Variants in ALCAM observed in about 807,000 individuals in gnomAD.
The protein encoded by ALCAM is CD166 antigen.
ALCAM carries 30 observed loss-of-function variants against 70.9 expected under a neutral mutation model. The observed-to-expected ratio is 0.42, with a 90% CI of 0.32 to 0.57. The LOEUF (loss-of-function observed/expected upper bound fraction) is 0.57. Ranked by LOEUF, ALCAM falls within the 20% of genes least tolerant of loss-of-function variation. ALCAM has a pLI of 0.11. For synonymous variants in ALCAM, 249 were observed against 242.5 expected, an observed-to-expected ratio of 1.03 and a Z score of -0.25; for missense variants, 591 against 695.1, an observed-to-expected ratio of 0.85 and a Z score of 1.68.
At chr3:105,379,537 T>G (rs891415851) in intron 1 of ALCAM, among the ~76,000 whole-genome samples, 1 of 151,844 alleles carries the variant, frequency 6.6e-6, no homozygotes, top group African/African-American at 2.4e-5. Flanking sequence ...CACTATATTA[T>G]TCTCAGAAAT....
intron 3 of ALCAM, among the ~76,000 whole-genome samples, chr3:105,531,644 A>G (rs1939841978): frequency 6.6e-6 from 1 of 152,086 alleles, no homozygotes; most frequent in Non-Finnish European, 1.5e-5. Flanking sequence ...ATGAGCTGGA[A>G]GTTACTGATA....
chr3:105,368,229 G>GAGAGAGAGAGAA (rs1253002453), intron 1 of ALCAM, among the ~76,000 whole-genome samples: 2 of 139,876 alleles, frequency 1.4e-5, no homozygotes, highest in African/African-American at 5.6e-5. Context: ...TTGGAAGAGA[G>GAGAGAGAGAGAA]AGAGAGAGAG....
intron 9 of ALCAM, among the ~76,000 whole-genome samples, chr3:105,546,711 G>A (rs1029540648): frequency 2.0e-5 from 3 of 151,436 alleles, no homozygotes; most frequent in Non-Finnish European, 4.4e-5. Context: ...GTGATGATCA[G>A]TATTCCCTGA....
intron 8 of ALCAM, among the ~76,000 whole-genome samples, chr3:105,543,036 G>A (rs955186922): frequency 5.3e-5 from 8 of 151,814 alleles, no homozygotes; most frequent in Admixed American, 5.3e-4. Context: ...ATGTGGAATA[G>A]CTAGCTCTCT....
At chr3:105,526,197 A>G (rs183516265) in intron 3 of ALCAM, among the ~76,000 whole-genome samples, 1 of 152,230 alleles carries the variant, frequency 6.6e-6, no homozygotes, top group East Asian at 1.9e-4. Flanking sequence ...AAATTTTCCT[A>G]CACTGAGATG....
chr3:105,367,242 G>C lies in ALCAM; in HGVS notation c.-167G>C. On this transcript the variant is annotated 5_prime_UTR_variant, in exon 1 of 16. Transcript: ENST00000306107. ...CATTGCGTGGTGGAAAGTTGCGTGC[G>C]GCAGAGAACCGAAGGTGCAGCGCCA... is the stretch of plus-strand genomic sequence containing the variant. The C allele has an allele frequency of 4.8e-6, 3 of 627,690 alleles. No homozygotes were observed. Among genetic ancestry groups the C allele is most frequent in the Non-Finnish European group, 8.4e-6 (3 of 357,330 alleles). The allele number at this position is 627,690 out of a possible 1,614,324, so 38.9% of individuals were successfully genotyped here.
At chr3:105,440,116 C>T (rs1375974109) in intron 1 of ALCAM, among the ~76,000 whole-genome samples, 3 of 152,098 alleles carry the variant, frequency 2.0e-5, no homozygotes, top group Non-Finnish European at 4.4e-5. Flanking sequence ...TGAAAATTAA[C>T]GTGATCAGGC....
intron 1 of ALCAM, chr3:105,439,195 A>G (rs1264048426): frequency 6.6e-6 from 1 of 152,194 alleles, no homozygotes; most frequent in Non-Finnish European, 1.5e-5. Flanking sequence ...TCAGGATCCA[A>G]AGAACTTTAG....
At position 105,517,885 on chromosome 3, in the gene ALCAM, C is replaced by T. The variant is rs544380054; in HGVS notation, c.74-2182C>T. 9.2e-5 allele frequency among the ~76,000 whole-genome samples: 14 copies of T among 152,172 alleles called. No individual in the cohort carries two copies. The South Asian group carries it at 2.9e-3, about 32-fold the overall frequency. ...CTCCAGAGTCATTTTAGTAGGTGCCCATTAGATGCTAGGCGTTGTTTCTGG... is the reference window on the plus strand; with the variant it reads ...CTCCAGAGTCATTTTAGTAGGTGCCTATTAGATGCTAGGCGTTGTTTCTGG... On this transcript the variant is annotated intron_variant, in intron 1 of 15. Coordinates refer to ENST00000306107, the MANE Select transcript of ALCAM (RefSeq NM_001627.4).
At chr3:105,412,344 A>G (rs1236623976) in intron 1 of ALCAM, among the ~76,000 whole-genome samples, 1 of 152,094 alleles carries the variant, frequency 6.6e-6, no homozygotes, top group Non-Finnish European at 1.5e-5. Context: ...CTCATTGTGA[A>G]CTGATATGAT....
At chr3:105,414,871 T>C (rs1936471372) in intron 1 of ALCAM, among the ~76,000 whole-genome samples, 1 of 152,118 alleles carries the variant, frequency 6.6e-6, no homozygotes, top group Non-Finnish European at 1.5e-5. Flanking sequence ...TTGAGAAAGA[T>C]AACCCTGATG....
chr3:105,436,528 C>G (rs138763240), intron 1 of ALCAM, among the ~76,000 whole-genome samples: 1 of 151,864 alleles, frequency 6.6e-6, no homozygotes, highest in Non-Finnish European at 1.5e-5. Flanking sequence ...GGGGTTTCAC[C>G]GTATTAGCCA....
intron 1 of ALCAM, among the ~76,000 whole-genome samples, chr3:105,404,562 A>C (rs1469490741): frequency 6.6e-6 from 1 of 152,136 alleles, no homozygotes; most frequent in African/African-American, 2.4e-5. Flanking sequence ...CCAAGCCAGC[A>C]CTACAAAAAC....
At chr3:105,384,482 T>G (rs1472767963) in intron 1 of ALCAM, among the ~76,000 whole-genome samples, 1 of 151,568 alleles carries the variant, frequency 6.6e-6, no homozygotes, top group Non-Finnish European at 1.5e-5. Context: ...AATTTTAACT[T>G]CTATATCATG....
chr3:105,434,312 G>A (rs900992587), intron 1 of ALCAM, among the ~76,000 whole-genome samples: 6 of 152,046 alleles, frequency 3.9e-5, no homozygotes, highest in African/African-American at 1.4e-4. Flanking sequence ...AAACATGCAG[G>A]AAAACAAAGT....
chr3:105,508,816 C>A (rs998868881), intron 1 of ALCAM, among the ~76,000 whole-genome samples: 2 of 23,092 alleles, frequency 8.7e-5, no homozygotes, highest in Non-Finnish European at 2.7e-4. Context: ...CTGTACTTTA[C>A]ATTTCTAGTT....
chr3:105,502,464 C>T (rs180846782), intron 1 of ALCAM, among the ~76,000 whole-genome samples: 82 of 152,146 alleles, frequency 5.4e-4, no homozygotes, highest in African/African-American at 1.8e-3. Context: ...TTCCCAGAGC[C>T]GGGGCATTTG....
intron 6 of ALCAM, among the ~76,000 whole-genome samples, chr3:105,535,213 A>G (rs1939939800): frequency 6.6e-6 from 1 of 152,188 alleles, no homozygotes; most frequent in Admixed American, 6.5e-5. Flanking sequence ...TTATTTTAAT[A>G]ATAAGATCAA....
intron 6 of ALCAM, 127 bp downstream of exon 6, chr3:105,534,972 G>A (rs944253258): frequency 3.6e-6 from 3 of 826,900 alleles, no homozygotes; most frequent in African/African-American, 3.5e-5. Context: ...CCAAATTGAT[G>A]GCACCCAAAT....
Sources: allele counts gnomAD v4.1 joint callset (sites outside exome capture counted in the v4.1 genomes callset), GRCh38; gene constraint gnomAD v4.1.1; transcripts MANE v1.5; gene names NCBI Gene and HGNC (gene_info 2026-07-23, HGNC 2026-07-21).